SNX4: variants seen among roughly 807,000 people sequenced by gnomAD.
SNX4 encodes the protein sorting nexin-4.
SNX4 carries 49 observed loss-of-function variants against 70.8 expected under a neutral mutation model. The ratio of observed to expected loss-of-function variants is 0.69; its 90% CI spans 0.55 to 0.88. SNX4 has a LOEUF of 0.88. Among genes scored for constraint, SNX4 ranks in the 40% least tolerant of loss-of-function variants. The pLI, the probability that SNX4 is intolerant of heterozygous loss-of-function variation, is 0.00. For missense variants in SNX4, 528 were observed against 544.8 expected, an observed-to-expected ratio of 0.97 and a Z score of 0.31; for synonymous variants, 206 against 183.8, an observed-to-expected ratio of 1.12 and a Z score of -0.98.
In SNX4 at chr3:125,457,348, T is replaced by C. The variant is rs757708837; in HGVS notation, c.962A>G (p.His321Arg). ...CTCCAAGTCATACTGCATAAGTTCA[T>C]GTTTCCTGCACACAGCCCTACAGAT... ...AEALRAVCRK[H>R]ELMQYDLEMA... The change falls in exon 11 of 14, where the codon CAT becomes CGT. Residue 321 changes from histidine (H) to arginine (R), a missense_variant. Physicochemically the swap from His to Arg is conservative, Grantham distance 29. Transcript: ENST00000251775. 15 of 1,613,622 alleles carry C rather than the reference T, an allele frequency of 9.3e-6. No homozygotes were observed. Among genetic ancestry groups the C allele is most frequent in the Middle Eastern group, 1.6e-4 (1 of 6,080 alleles).
intron 6 of SNX4, among the ~76,000 whole-genome samples, chr3:125,481,447 CTTTTT>C (rs34708524): frequency 7.4e-6 from 1 of 134,848 alleles, no homozygotes; most frequent in African/African-American, 2.7e-5. Context: ...TTCCTGAAAT[CTTTTT>C]TTTTTTTTTT....
chr3:125,480,290 TC>T lies in SNX4; in HGVS notation c.682del (p.Asp228MetfsTer17). 1 of 1,573,874 alleles carries T rather than the reference TC, an allele frequency of 6.4e-7. No individual in the cohort carries two copies. The highest frequency in any genetic ancestry group is 8.6e-7 in the Non-Finnish European group (1 of 1,157,644). The stretch of plus-strand genomic sequence containing the variant: ...ATGTGAGATGACAGACTGCAGTTCA[TC>T]ACTATAGTGCTTAAGGTCAGTAAAT... ...KRFTDLKHYS[D>X]ELQSVISHLL... is the part of the protein sequence containing the mutation. On this transcript the variant is annotated frameshift_variant, in exon 7 of 14. Coordinates refer to ENST00000251775, the MANE Select transcript of SNX4 (RefSeq NM_003794.4). LOFTEE classifies it high-confidence loss of function.
At position 125,454,096 on chromosome 3, in the gene SNX4, A is replaced by G; in HGVS notation, c.1045-141T>C. ...GGATAAACCTGCAGGACATTATGCT[A>G]AGTGAAATAAGACAGATACAAAAAG... On this transcript the variant is annotated intron_variant, in intron 11 of 13. Transcript: ENST00000251775. 4.5e-6 allele frequency: 3 copies of G among 661,160 alleles called. No individual in the cohort carries two copies. The Admixed American group carries it at 8.9e-5, about 20-fold the overall frequency. 41.0% of individuals were successfully genotyped at this position (661,160 alleles called of 1,614,324 possible).
At chr3:125,495,369 C>T (rs957891983) in intron 5 of SNX4, among the ~76,000 whole-genome samples, 3 of 149,334 alleles carry the variant, frequency 2.0e-5, no homozygotes, top group Non-Finnish European at 3.0e-5. Flanking sequence ...CAAAAAGGTC[C>T]CATTTCCCTG....
intron 10 of SNX4, among the ~76,000 whole-genome samples, chr3:125,458,384 G>A (rs971366356): frequency 8.5e-5 from 13 of 152,056 alleles, no homozygotes; most frequent in African/African-American, 3.1e-4. Context: ...GCCCAGGCTG[G>A]TCTCAAACTC....
intron 9 of SNX4, among the ~76,000 whole-genome samples, chr3:125,467,898 C>A (rs560807322): frequency 2.0e-4 from 31 of 152,170 alleles, no homozygotes; most frequent in Non-Finnish European, 4.1e-4. Context: ...GGGTCTATAT[C>A]CCCCAAAATA....
intron 1 of SNX4, among the ~76,000 whole-genome samples, chr3:125,515,677 AAAAAAAG>A (rs1490627540): frequency 1.3e-5 from 2 of 151,718 alleles, no homozygotes; most frequent in Non-Finnish European, 2.9e-5. Flanking sequence ...AAAAAAAAAA[AAAAAAAG>A]AAAATGTATT....
At chr3:125,485,295 A>G (rs1201767969) in intron 6 of SNX4, among the ~76,000 whole-genome samples, 2 of 152,006 alleles carry the variant, frequency 1.3e-5, no homozygotes, top group African/African-American at 4.8e-5. Context: ...TATCTATTTT[A>G]TATGGCTTTC....
intron 5 of SNX4, 107 bp from the exon 6 acceptor site, chr3:125,489,570 A>C (rs369239003): frequency 2.4e-6 from 2 of 844,404 alleles, no homozygotes; most frequent in South Asian, 1.5e-5. Flanking sequence ...AGTTTTCTTC[A>C]TATCAATTGT....
At position 125,457,353 on chromosome 3, in the gene SNX4, C is replaced by T; in HGVS notation, c.957G>A (p.Arg319=). ...FYAEALRAVC[R]KHELMQYDLE... Reference sequence around the variant, plus strand: ...AGTCATACTGCATAAGTTCATGTTTCCTGCACACAGCCCTACAGATGAAAA... The same window carrying T: ...AGTCATACTGCATAAGTTCATGTTTTCTGCACACAGCCCTACAGATGAAAA... Residue 319 remains arginine, a synonymous_variant, in exon 11 of 14, where the codon AGG becomes AGA. Transcript: ENST00000251775. The T allele has an allele frequency of 6.2e-7, 1 of 1,613,240 alleles. No homozygotes were observed. Among genetic ancestry groups the T allele is most frequent in the East Asian group, 2.2e-5 (1 of 44,870 alleles).
At chr3:125,469,594 G>T in intron 8 of SNX4, 75 bp from the exon 9 acceptor site, 1 of 1,018,610 alleles carries the variant, frequency 9.8e-7, no homozygotes, top group Non-Finnish European at 1.5e-6. Context: ...CTCTTTTCAA[G>T]ATTCTTGTCT....
At chr3:125,513,381 T>A (rs958660605) in intron 1 of SNX4, among the ~76,000 whole-genome samples, 1 of 152,252 alleles carries the variant, frequency 6.6e-6, no homozygotes, top group Admixed American at 6.5e-5. Flanking sequence ...CTTTGGTACC[T>A]TGTTATAGCA....
Position 125,447,748 on chromosome 3 carries a change from CTT to C in SNX4, c.*29_*30del. ...TTACTTGTGCTTCTGTTTTGGGGCA[CTT>C]TGATTGAAGAGAAATTCAATTCACA... On this transcript the variant is annotated 3_prime_UTR_variant, in exon 14 of 14. Coordinates refer to ENST00000251775, the MANE Select transcript of SNX4 (RefSeq NM_003794.4). 1 of 1,555,860 alleles carries C rather than the reference CTT, an allele frequency of 6.4e-7. No homozygotes were observed. The highest frequency in any genetic ancestry group is 8.8e-7 in the Non-Finnish European group (1 of 1,142,610).
At chr3:125,485,289 T>G (rs765112059) in intron 6 of SNX4, among the ~76,000 whole-genome samples, 2 of 151,998 alleles carry the variant, frequency 1.3e-5, no homozygotes, top group Non-Finnish European at 2.9e-5. Flanking sequence ...ATAACTTATC[T>G]ATTTTATATG....
In SNX4 at chr3:125,478,041, C is replaced by T. The variant is rs1934323586; in HGVS notation, c.727-1285G>A. ...TAATTTCTCTAGGATGTCATTTCCT[C>T]CTCCTCCTTCTTCTTCTTCTTATTA... On this transcript the variant is annotated intron_variant, in intron 7 of 13. Coordinates refer to ENST00000251775, the MANE Select transcript of SNX4 (RefSeq NM_003794.4). 1.4e-5 allele frequency among the ~76,000 whole-genome samples: 2 copies of T among 139,800 alleles called. 1 individual carries two copies. The highest frequency in any genetic ancestry group is 4.5e-4 in the South Asian group (2 of 4,406). The allele number at this position is 139,800 out of a possible 152,430, so 91.7% of individuals were successfully genotyped here. A position where few individuals can be genotyped will look rare whatever the true frequency, so the allele number is the denominator to read the frequency against.
intron 2 of SNX4, among the ~76,000 whole-genome samples, chr3:125,504,086 T>C (rs758057178): frequency 6.6e-6 from 1 of 151,898 alleles, no homozygotes; most frequent in Non-Finnish European, 1.5e-5. Flanking sequence ...ATCCGAACAC[T>C]TTGGGAGGCC....
At chr3:125,471,842 G>A (rs1039189400) in intron 8 of SNX4, among the ~76,000 whole-genome samples, 11 of 152,256 alleles carry the variant, frequency 7.2e-5, no homozygotes, top group South Asian at 6.2e-4. Context: ...GCCCCTATGG[G>A]GAATAGCCCT....
At chr3:125,448,858 G>A (rs1933498054) in intron 13 of SNX4, among the ~76,000 whole-genome samples, 1 of 151,594 alleles carries the variant, frequency 6.6e-6, no homozygotes, top group Non-Finnish European at 1.5e-5. Context: ...TGTATTTTTA[G>A]TAGAGATGAG....
chr3:125,497,820 TAAAAGA>T lies in SNX4; in HGVS notation c.549+8_549+13del. On this transcript the variant is annotated splice_region_variant and intron_variant, in intron 4 of 13. Transcript: ENST00000251775. Reference sequence around the variant, plus strand: ...AAATGAATATTTTACTAAGACTAAATAAAAGAAAAATACCTGTGTTAAAAACAGATA... The same window carrying T: ...AAATGAATATTTTACTAAGACTAAATAAAATACCTGTGTTAAAAACAGATA... 6.4e-7 allele frequency: 1 copy of T among 1,555,530 alleles called. No individual in the cohort carries two copies. The highest frequency in any genetic ancestry group is 8.7e-7 in the Non-Finnish European group (1 of 1,152,604).
Sources: gnomAD v4.1 joint callset for allele counts (sites outside exome capture counted in the v4.1 genomes callset) on GRCh38, gnomAD v4.1.1 for gene constraint, MANE v1.5 for transcripts, NCBI Gene and HGNC (gene_info 2026-07-23, HGNC 2026-07-21) for gene names.